PCBD2: variants seen among roughly 807,000 people sequenced by gnomAD.
PCBD2 encodes pterin-4-alpha-carbinolamine dehydratase 2.
PCBD2 carries 12 observed loss-of-function variants against 16.4 expected under a neutral mutation model. The observed-to-expected ratio is 0.73, with a 90% confidence interval of 0.47 to 1.19. The LOEUF (loss-of-function observed/expected upper bound fraction) is 1.19. PCBD2 is among the 50% of genes most tolerant of loss of function. PCBD2 has a pLI of 0.00. For synonymous variants in PCBD2, 58 were observed against 61.8 expected, an observed-to-expected ratio of 0.94 and a Z score of 0.29; for missense variants, 138 against 156.8, an observed-to-expected ratio of 0.88 and a Z score of 0.64.
chr5:134,924,456 G>A (rs1259862996), intron 2 of PCBD2: 1 of 397,002 alleles, frequency 2.5e-6, no homozygotes, highest in African/African-American at 2.1e-5. Flanking sequence ...GTATGATGGG[G>A]TGGTGGTTGT....
chr5:134,937,876 T>A (rs1751179247), intron 2 of PCBD2, among the ~76,000 whole-genome samples: 1 of 152,270 alleles, frequency 6.6e-6, no homozygotes, highest in African/African-American at 2.4e-5. Flanking sequence ...AGTCTTCATT[T>A]GTTTTTCATA....
chr5:134,954,226 G>T (rs1040234208), intron 2 of PCBD2, among the ~76,000 whole-genome samples: 1 of 152,184 alleles, frequency 6.6e-6, no homozygotes, highest in African/African-American at 2.4e-5. Flanking sequence ...TTCCCAAAGC[G>T]CTGGGATTAC....
chr5:134,927,608 C>G (rs754741038), intron 2 of PCBD2: 1 of 398,124 alleles, frequency 2.5e-6, no homozygotes, highest in Non-Finnish European at 4.4e-6. Flanking sequence ...TACCTGCGTT[C>G]AGGCGTTCTG....
chr5:134,938,090 A>C (rs1390253315), intron 2 of PCBD2, among the ~76,000 whole-genome samples: 2 of 152,182 alleles, frequency 1.3e-5, no homozygotes, highest in Non-Finnish European at 1.5e-5. Context: ...TATTATTTCC[A>C]AAAATTGTTA....
chr5:134,922,594 G>A (rs2149532307), intron 2 of PCBD2, among the ~76,000 whole-genome samples: 1 of 152,252 alleles, frequency 6.6e-6, no homozygotes, highest in Non-Finnish European at 1.5e-5. Flanking sequence ...TAGTGGGGGA[G>A]GGAGAATGTA....
At chr5:134,924,939 T>G (rs1201818275) in intron 2 of PCBD2, 2 of 390,860 alleles carry the variant, frequency 5.1e-6, no homozygotes, top group East Asian at 7.2e-5. Flanking sequence ...GTTTGTTGGT[T>G]AGGTAGTTGA....
chr5:134,909,872 C>T (rs1346553203), intron 1 of PCBD2, among the ~76,000 whole-genome samples: 2 of 152,276 alleles, frequency 1.3e-5, no homozygotes, highest in East Asian at 3.9e-4. Flanking sequence ...AATTCAAGGC[C>T]AGCCTGAGCA....
intron 2 of PCBD2, among the ~76,000 whole-genome samples, chr5:134,934,721 G>T (rs1353451778): frequency 6.6e-6 from 1 of 152,146 alleles, no homozygotes; most frequent in East Asian, 1.9e-4. Context: ...ATATGCCACA[G>T]TGGTCTTGTT....
intron 2 of PCBD2, among the ~76,000 whole-genome samples, chr5:134,930,964 C>T (rs2149535352): frequency 6.6e-6 from 1 of 152,258 alleles, no homozygotes; most frequent in African/African-American, 2.4e-5. Flanking sequence ...GTTGCCCACG[C>T]TGGAATGCAG....
intron 2 of PCBD2, chr5:134,927,293 G>C (rs1206387405): frequency 7.5e-6 from 3 of 398,390 alleles, no homozygotes; most frequent in Non-Finnish European, 8.8e-6. Flanking sequence ...GGTTGAGAAT[G>C]AGTGTGAGGC....
rs541872485 is a variant in PCBD2 at position 134,939,521 on chromosome 5, A to G, written c.217-19519A>G. On this transcript the variant is annotated intron_variant, in intron 2 of 3. Transcript: ENST00000254908. The stretch of plus-strand genomic sequence containing the variant: ...GGTGCATAGTGCCCCTGTCTGTTCA[A>G]AAAAACCAGAGGCTCCTAAAATCCT... 1.1e-4 allele frequency among the ~76,000 whole-genome samples: 17 copies of G among 152,248 alleles called. No individual in the cohort carries two copies. The East Asian group carries it at 2.9e-3, about 26-fold the overall frequency.
intron 2 of PCBD2, chr5:134,925,484 A>T: frequency 2.5e-6 from 1 of 398,534 alleles, no homozygotes; most frequent in Non-Finnish European, 4.4e-6. Flanking sequence ...ATGTGCAGGA[A>T]TGCTAGGTGT....
intron 2 of PCBD2, among the ~76,000 whole-genome samples, chr5:134,945,768 A>C (rs1424485714): frequency 6.6e-6 from 1 of 152,180 alleles, no homozygotes; most frequent in Non-Finnish European, 1.5e-5. Flanking sequence ...AGTGTCCCAA[A>C]GAAGCACATT....
intron 2 of PCBD2, chr5:134,925,811 G>A (rs770459046): frequency 5.7e-4 from 224 of 395,538 alleles, no homozygotes; most frequent in South Asian, 3.9e-4. Context: ...GCTGCTAGGA[G>A]GAAGCCTAGT....
At chr5:134,926,453 TG>T (rs1303524824) in intron 2 of PCBD2, 31 of 393,572 alleles carry the variant, frequency 7.9e-5, no homozygotes, top group Non-Finnish European at 4.5e-5. Context: ...GTAGCGTACA[TG>T]GTTATTACTT....
intron 2 of PCBD2, among the ~76,000 whole-genome samples, chr5:134,933,513 G>A (rs2149535897): frequency 6.6e-6 from 1 of 152,338 alleles, no homozygotes; most frequent in Middle Eastern, 3.4e-3. Flanking sequence ...TGGGACTGTA[G>A]GCATGAGCCA....
chr5:134,943,608 G>A (rs1298899274), intron 2 of PCBD2, among the ~76,000 whole-genome samples: 5 of 152,276 alleles, frequency 3.3e-5, no homozygotes, highest in African/African-American at 1.2e-4. Flanking sequence ...TCCAGGTTGT[G>A]ACAGAAATGT....
At chr5:134,934,705 C>G (rs1220990008) in intron 2 of PCBD2, among the ~76,000 whole-genome samples, 1 of 152,146 alleles carries the variant, frequency 6.6e-6, no homozygotes, top group Non-Finnish European at 1.5e-5. Context: ...ACATCTTCAG[C>G]TTTTTATATG....
At chr5:134,935,218 T>C (rs1751144868) in intron 2 of PCBD2, among the ~76,000 whole-genome samples, 1 of 152,206 alleles carries the variant, frequency 6.6e-6, no homozygotes, top group Non-Finnish European at 1.5e-5. Flanking sequence ...TGTTGTAAAT[T>C]ATGAAGCATT....
Sources: gnomAD v4.1 joint callset for allele counts (sites outside exome capture counted in the v4.1 genomes callset) on GRCh38, gnomAD v4.1.1 for gene constraint, MANE v1.5 for transcripts, NCBI Gene and HGNC (gene_info 2026-07-23, HGNC 2026-07-21) for gene names.